The following NDRG4 variants were observed in gnomAD, a reference collection of about 807,000 sequenced individuals.
NDRG4 encodes NDRG family member 4.
A neutral mutation model predicts 55.8 loss-of-function variants in NDRG4; 38 were observed. The observed-to-expected ratio is 0.68, with a 90% CI of 0.53 to 0.89. The LOEUF (loss-of-function observed/expected upper bound fraction) is 0.89, where lower values mean the gene tolerates loss of function less well. Ranked by LOEUF, NDRG4 falls within the 40% of genes least tolerant of loss-of-function variation. The probability of loss-of-function intolerance (pLI) is 0.00; values close to 1 mark genes in which losing one functional copy is unlikely to be tolerated. For missense variants in NDRG4, 455 were observed against 468.6 expected (o/e 0.97, Z 0.27); for synonymous variants, 190 against 182.7 (o/e 1.04, Z -0.32).
At chr16:58,494,185 C>T (rs1051329081) in intron 2 of NDRG4, among the ~76,000 whole-genome samples, 5 of 151,972 alleles carry the variant, frequency 3.3e-5, no homozygotes, top group African/African-American at 7.2e-5. Flanking sequence ...GCCCGCGGTC[C>T]GGTGGGTAGA....
intron 9 of NDRG4, 35 bp downstream of exon 9, chr16:58,507,899 C>T: frequency 6.2e-7 from 1 of 1,613,994 alleles, no homozygotes; most frequent in Non-Finnish European, 8.5e-7. Flanking sequence ...CTGCCCTGGC[C>T]TTTGCCCCCA....
At position 58,512,470 on chromosome 16, in the gene NDRG4, C is replaced by T. The variant is rs1333133885; in HGVS notation, c.*894C>T. ...GTTCCTGGAGACCCCTTTTTTGCCC[C>T]CAGGTTCCCCAGAGGGCAACGCCAT... On this transcript the variant is annotated 3_prime_UTR_variant, in exon 15 of 15. Transcript: ENST00000570248. The T allele has an allele frequency of 4.1e-6, 1 of 244,346 alleles. No homozygotes were observed. Among genetic ancestry groups the T allele is most frequent in the South Asian group, 4.2e-5 (1 of 23,844 alleles). 15.1% of individuals were successfully genotyped at this position (244,346 alleles called of 1,614,324 possible).
intron 1 of NDRG4, chr16:58,501,917 C>A (rs1025439169): frequency 2.2e-6 from 1 of 449,528 alleles, no homozygotes; most frequent in African/African-American, 2.0e-5. Context: ...GACGTCTGAC[C>A]CCAGGAGGAT....
At position 58,511,462 on chromosome 16, in the gene NDRG4, T is replaced by C; in HGVS notation, c.945T>C (p.Thr315=). The C allele has an allele frequency of 6.2e-7, 1 of 1,612,680 alleles. No homozygotes were observed. The highest frequency in any genetic ancestry group is 8.5e-7 in the Non-Finnish European group (1 of 1,179,872). Residue 315 remains threonine, a synonymous_variant, in exon 15 of 15, where the codon ACT becomes ACC. Coordinates refer to ENST00000570248, the MANE Select transcript of NDRG4 (RefSeq NM_001242835.2). ...TGACCCGCCTGGCACGCTCCCGCAC[T>C]GCATCCCTCACCAGTGCCAGCTCGG... The part of the protein sequence containing the change: ...ASMTRLARSR[T]ASLTSASSVD...
chr16:58,503,972 C>A, intron 2 of NDRG4, 69 bp downstream of exon 2: 1 of 1,573,464 alleles, frequency 6.4e-7, no homozygotes, highest in Non-Finnish European at 8.7e-7. Flanking sequence ...GGCCCCCCAC[C>A]CTCCCCACAG....
chr16:58,506,145 T>TGTGTGTGTGTGTGTGG, intron 5 of NDRG4: 1 of 631,614 alleles, frequency 1.6e-6, no homozygotes, highest in Non-Finnish European at 2.9e-6. Flanking sequence ...TGTGTGTGTG[T>TGTGTGTGTGTGTGTGG]GTGTGTGTGT....
At chr16:58,485,989 G>A (rs975966730) in intron 1 of NDRG4, among the ~76,000 whole-genome samples, 3 of 152,226 alleles carry the variant, frequency 2.0e-5, no homozygotes, top group Middle Eastern at 3.4e-3. Context: ...GAGGATTGCT[G>A]AGTCTGAGAG....
chr16:58,506,169 T>TGTGTGTGTGTGTGTGTGTG (rs745949486), intron 5 of NDRG4: 34 of 673,144 alleles, frequency 5.1e-5, no homozygotes, highest in Admixed American at 1.2e-4. Context: ...TGTGTGTGTG[T>TGTGTGTGTGTGTGTGTGTG]AGGGGTGGAA....
intron 5 of NDRG4, among the ~76,000 whole-genome samples, chr16:58,505,099 C>G (rs995339680): frequency 3.2e-4 from 49 of 152,208 alleles, no homozygotes; most frequent in East Asian, 5.8e-4. Flanking sequence ...CCTGTAATCC[C>G]AGCACTTTGG....
intron 1 of NDRG4, among the ~76,000 whole-genome samples, chr16:58,466,787 C>G (rs1292439800): frequency 6.6e-6 from 1 of 152,224 alleles, no homozygotes; most frequent in African/African-American, 2.4e-5. Flanking sequence ...CTTAACCTCT[C>G]AGACTTCAGC....
At chr16:58,508,572 C>G (rs959384403) in intron 10 of NDRG4, among the ~76,000 whole-genome samples, 2 of 152,172 alleles carry the variant, frequency 1.3e-5, no homozygotes, top group African/African-American at 4.8e-5. Context: ...CTGGGAGGTC[C>G]TGGAAGAGCA....
At chr16:58,496,513 G>C (rs1014037302), upstream of NDRG4, among the ~76,000 whole-genome samples, 1 of 152,096 alleles carries the variant, frequency 6.6e-6, no homozygotes. Flanking sequence ...CACTATGGCA[G>C]GCGTTGTCAC....
intron 3 of NDRG4, chr16:58,495,040 G>A (rs1310006022): frequency 2.2e-5 from 35 of 1,610,376 alleles, no homozygotes; most frequent in Non-Finnish European, 2.3e-5. Flanking sequence ...CAAGATGTGG[G>A]ACTGACAGCT....
At chr16:58,490,728 G>C (rs1258067345) in intron 2 of NDRG4, among the ~76,000 whole-genome samples, 3 of 152,220 alleles carry the variant, frequency 2.0e-5, no homozygotes, top group Non-Finnish European at 4.4e-5. Context: ...TGTAATCCCA[G>C]CACTTTGGGA....
At position 58,511,473 on chromosome 16, in the gene NDRG4, C is replaced by T. The variant is rs763021718; in HGVS notation, c.956C>T (p.Thr319Ile). Residue 319 changes from threonine (T) to isoleucine (I), a missense_variant, in exon 15 of 15, where the codon ACC becomes ATC. Thr to Ile is a moderately conservative substitution (Grantham distance 89, BLOSUM62 -1). Coordinates refer to ENST00000570248, the MANE Select transcript of NDRG4 (RefSeq NM_001242835.2). ...GCACGCTCCCGCACTGCATCCCTCA[C>T]CAGTGCCAGCTCGGTGGATGGCAGC... ...RLARSRTASL[T>I]SASSVDGSRP... is the part of the protein sequence containing the mutation. 1 of 1,612,910 alleles carries T rather than the reference C, an allele frequency of 6.2e-7. No individual in the cohort carries two copies. Among genetic ancestry groups the T allele is most frequent in the Non-Finnish European group, 8.5e-7 (1 of 1,179,938 alleles).
At chr16:58,481,151 C>G (rs1339682456) in intron 1 of NDRG4, among the ~76,000 whole-genome samples, 2 of 152,120 alleles carry the variant, frequency 1.3e-5, no homozygotes, top group South Asian at 4.1e-4. Context: ...TGCCTCACTT[C>G]CTCAGCTACA....
chr16:58,470,777 C>T (rs914303901), intron 1 of NDRG4, among the ~76,000 whole-genome samples: 5 of 151,918 alleles, frequency 3.3e-5, no homozygotes, highest in African/African-American at 7.3e-5. Flanking sequence ...CATGTTGGTG[C>T]GTGCCTGTAA....
intron 1 of NDRG4, among the ~76,000 whole-genome samples, chr16:58,478,466 A>G (rs891311763): frequency 2.0e-5 from 3 of 152,104 alleles, no homozygotes; most frequent in African/African-American, 4.8e-5. Flanking sequence ...AGGAGGACAT[A>G]CCAACTAAAT....
upstream of NDRG4, chr16:58,499,030 G>C (rs1217101507): frequency 1.3e-5 from 2 of 152,632 alleles, no homozygotes; most frequent in African/African-American, 4.8e-5. Context: ...CCTTCTCTCT[G>C]TGGCTCCTGC....
Sources: allele counts gnomAD v4.1 joint callset (sites outside exome capture counted in the v4.1 genomes callset), GRCh38; gene constraint gnomAD v4.1.1; transcripts MANE v1.5; gene names NCBI Gene and HGNC (gene_info 2026-07-23, HGNC 2026-07-21).